The following AK5 variants were observed in gnomAD, a reference collection of about 807,000 sequenced individuals.
The protein encoded by AK5 is adenylate kinase 5.
A neutral mutation model predicts 69.5 loss-of-function variants in AK5; 27 were observed. The observed-to-expected ratio is 0.39, with a 90% confidence interval of 0.29 to 0.54. The LOEUF (loss-of-function observed/expected upper bound fraction) is 0.54. Ranked by LOEUF, AK5 falls within the 20% of genes least tolerant of loss-of-function variation. The pLI is 0.71. For missense variants in AK5, 531 were observed against 700.4 expected, an observed-to-expected ratio of 0.76 and a Z score of 2.73; for synonymous variants, 260 against 244.4, an observed-to-expected ratio of 1.06 and a Z score of -0.60.
rs1448811232 is a variant in AK5, at chr1:77,282,277, C to T, written c.-37C>T. ...GCTCAGGTCGCCGCAGCCCGGGAGCCTCCCCGCTTGCGCCCCAAGGCACGC... is the reference window on the plus strand; with the variant it reads ...GCTCAGGTCGCCGCAGCCCGGGAGCTTCCCCGCTTGCGCCCCAAGGCACGC... On this transcript the variant is annotated 5_prime_UTR_variant, in exon 1 of 14. Transcript: ENST00000354567. The T allele has an allele frequency of 1.3e-6, 2 of 1,537,086 alleles. No homozygotes were observed. Among genetic ancestry groups the T allele is most frequent in the South Asian group, 1.2e-5 (1 of 81,308 alleles).
chr1:77,287,523 CT>C (rs1192641353), intron 2 of AK5, among the ~76,000 whole-genome samples: 20 of 152,260 alleles, frequency 1.3e-4, no homozygotes, highest in African/African-American at 4.8e-4. Flanking sequence ...AGAGATTTGG[CT>C]TACTAATATT....
rs1253649423 is a variant in AK5 at position 77,286,863 on chromosome 1, TAAA to T, written c.61-77_61-75del. On this transcript the variant is annotated intron_variant, in intron 1 of 13. Coordinates refer to ENST00000354567, the MANE Select transcript of AK5 (RefSeq NM_174858.3). Reference sequence around the variant, plus strand: ...CTCTATTTCAAAAAAATTAATTAATTAAATTAAATTAAATTAAAGAAAAAACAA... The same window carrying T: ...CTCTATTTCAAAAAAATTAATTAATTTTAAATTAAATTAAAGAAAAAACAA... 17 of 782,634 alleles carry T rather than the reference TAAA, an allele frequency of 2.2e-5. No homozygotes were observed. In the African/African-American group the frequency reaches 2.4e-4, roughly 11 times the overall value. The allele number at this position is 782,634 out of a possible 1,614,324, so 48.5% of individuals were successfully genotyped here.
intron 10 of AK5, among the ~76,000 whole-genome samples, chr1:77,497,735 G>T (rs180678835): frequency 2.4e-4 from 36 of 152,108 alleles, no homozygotes; most frequent in African/African-American, 7.9e-4. Flanking sequence ...CTACAGGCAC[G>T]CACCACCACG....
chr1:77,543,538 A>G (rs1396717599), intron 13 of AK5, among the ~76,000 whole-genome samples: 1 of 123,008 alleles, frequency 8.1e-6, no homozygotes, highest in Non-Finnish European at 1.8e-5. Flanking sequence ...TTTTTTTTTT[A>G]TTGTTTGTTT....
chr1:77,471,400 T>A (rs1236014716), intron 8 of AK5, among the ~76,000 whole-genome samples: 1 of 152,230 alleles, frequency 6.6e-6, no homozygotes, highest in Non-Finnish European at 1.5e-5. Context: ...ATTGTTATTG[T>A]AACCATATAG....
chr1:77,345,649 A>G (rs762756041), intron 6 of AK5, among the ~76,000 whole-genome samples: 49 of 152,364 alleles, frequency 3.2e-4, no homozygotes, highest in Non-Finnish European at 5.6e-4. Context: ...CGATTGACAT[A>G]GAGAGCACAG....
chr1:77,384,917 G>C (rs1647898825), intron 6 of AK5, among the ~76,000 whole-genome samples: 1 of 152,074 alleles, frequency 6.6e-6, no homozygotes, highest in East Asian at 1.9e-4. Flanking sequence ...GAGGCAGAAT[G>C]GTATAGTGGA....
chr1:77,443,964 T>A (rs1652503278), intron 8 of AK5, among the ~76,000 whole-genome samples: 1 of 151,438 alleles, frequency 6.6e-6, no homozygotes, highest in Non-Finnish European at 1.5e-5. Flanking sequence ...AGCTATAAGA[T>A]ACTTATTTAG....
At chr1:77,338,204 C>T (rs1214292970) in intron 5 of AK5, among the ~76,000 whole-genome samples, 2 of 152,150 alleles carry the variant, frequency 1.3e-5, no homozygotes, top group East Asian at 3.9e-4. Flanking sequence ...ACCTCATGAT[C>T]TGCCTGCCTC....
At chr1:77,397,808 A>G (rs1279170863) in intron 6 of AK5, among the ~76,000 whole-genome samples, 1 of 152,232 alleles carries the variant, frequency 6.6e-6, no homozygotes, top group Non-Finnish European at 1.5e-5. Context: ...AGGCTGAGGC[A>G]GGAGCATCAC....
At chr1:77,367,198 C>A (rs1307480505) in intron 6 of AK5, among the ~76,000 whole-genome samples, 1 of 151,608 alleles carries the variant, frequency 6.6e-6, no homozygotes, top group Non-Finnish European at 1.5e-5. Flanking sequence ...ATGCTTGGGA[C>A]CAGAAGTGTT....
intron 8 of AK5, among the ~76,000 whole-genome samples, chr1:77,429,247 A>T (rs1274115973): frequency 1.3e-5 from 2 of 152,126 alleles, no homozygotes; most frequent in Admixed American, 1.3e-4. Flanking sequence ...ATTTCTCCAC[A>T]TCCTCTCCAG....
rs1557458390 is a variant in AK5 at position 77,282,386 on chromosome 1, C to T, written c.60+13C>T. 5 of 1,542,184 alleles carry T rather than the reference C, an allele frequency of 3.2e-6. No individual in the cohort carries two copies. Among genetic ancestry groups the T allele is most frequent in the East Asian group, 2.5e-5 (1 of 40,156 alleles). ...TCAGCTTTTTGAGGTAGGGCTAGAG[C>T]TGGCCGACGGGCGGTAGCATCCGGG... On this transcript the variant is annotated intron_variant, in intron 1 of 13. Transcript: ENST00000354567.
chr1:77,510,926 A>G (rs1022985606), intron 10 of AK5, among the ~76,000 whole-genome samples: 1 of 150,754 alleles, frequency 6.6e-6, no homozygotes, highest in Non-Finnish European at 1.5e-5. Flanking sequence ...TGCTTTATCT[A>G]TTAATATATT....
chr1:77,539,772 T>C (rs575354447), intron 13 of AK5, among the ~76,000 whole-genome samples: 21 of 152,178 alleles, frequency 1.4e-4, no homozygotes, highest in Non-Finnish European at 2.5e-4. Context: ...AAGTAACAGC[T>C]TGTGGCCTGC....
chr1:77,497,153 C>T (rs968756977), intron 10 of AK5, among the ~76,000 whole-genome samples: 2 of 152,186 alleles, frequency 1.3e-5, no homozygotes, highest in African/African-American at 2.4e-5. Flanking sequence ...AGCAAGACCA[C>T]GAACCCACTG....
chr1:77,505,036 T>G (rs896423145), intron 10 of AK5, among the ~76,000 whole-genome samples: 1 of 152,238 alleles, frequency 6.6e-6, no homozygotes, highest in African/African-American at 2.4e-5. Flanking sequence ...ATTAAACTTT[T>G]AAGATTTGTT....
At chr1:77,297,302 T>A (rs1436386406) in intron 3 of AK5, among the ~76,000 whole-genome samples, 5 of 152,314 alleles carry the variant, frequency 3.3e-5, no homozygotes, top group South Asian at 4.1e-4. Flanking sequence ...AAAATTTTTT[T>A]AATTAGCTAT....
chr1:77,530,275 G>C (rs140594929), intron 12 of AK5, among the ~76,000 whole-genome samples: 1,767 of 152,258 alleles, frequency 0.012, 19 homozygotes, highest in South Asian at 0.022. Context: ...AATGGTGTGT[G>C]GGGGGAGAAG....
Sources: gnomAD v4.1 joint callset for allele counts (sites outside exome capture counted in the v4.1 genomes callset) on GRCh38, gnomAD v4.1.1 for gene constraint, MANE v1.5 for transcripts, NCBI Gene and HGNC (gene_info 2026-07-23, HGNC 2026-07-21) for gene names.